Variants in TTLL1 observed in about 807,000 individuals in gnomAD.
TTLL1 encodes TTL family tubulin polyglutamylase complex subunit L1.
Under a neutral mutation model 47.8 loss-of-function variants are expected in TTLL1, and 33 were observed. The observed-to-expected ratio is 0.69, with a 90% CI of 0.52 to 0.92. The LOEUF (loss-of-function observed/expected upper bound fraction) is 0.92, where lower values mean the gene tolerates loss of function less well. Ranked by LOEUF, TTLL1 falls within the 40% of genes least tolerant of loss-of-function variation. The pLI is 0.00. For missense variants in TTLL1, 488 were observed against 547.5 expected (o/e 0.89, Z 1.08); for synonymous variants, 225 against 214.1 (o/e 1.05, Z -0.45).
At chr22:43,046,281 T>C in intron 10 of TTLL1, 129 bp downstream of exon 10, 2 of 978,258 alleles carry the variant, frequency 2.0e-6, no homozygotes, top group Non-Finnish European at 3.1e-6. Flanking sequence ...TATCCCATCA[T>C]GTCATTAGTA....
chr22:43,061,137 C>G lies in TTLL1; in HGVS notation c.748-1610G>C, dbSNP rs1927363329. Among the ~76,000 whole-genome samples, 4 of 152,272 alleles carry G rather than the reference C, an allele frequency of 2.6e-5. No homozygotes were observed. The South Asian group carries it at 6.2e-4, about 24-fold the overall frequency. Reference sequence around the variant, plus strand: ...CCCGGAAGGCAGAGGTTGCAGTGAGCCGAGATCCTGCCACTGTACTCCAGC... The same window carrying G: ...CCCGGAAGGCAGAGGTTGCAGTGAGGCGAGATCCTGCCACTGTACTCCAGC... On this transcript the variant is annotated intron_variant, in intron 7 of 10. Transcript: ENST00000266254.
chr22:43,046,037 G>A (rs919451972), intron 10 of TTLL1, among the ~76,000 whole-genome samples: 9 of 151,972 alleles, frequency 5.9e-5, no homozygotes, highest in African/African-American at 1.2e-4. Context: ...CCTGGCCAAC[G>A]TGGTGAAACC....
rs1353240306 is a variant in TTLL1, at chr22:43,069,774, C to A, written c.184G>T (p.Val62Phe). 6.2e-7 allele frequency: 1 copy of A among 1,614,180 alleles called. No individual in the cohort carries two copies. The change falls in exon 4 of 11, where the codon GTC becomes TTC. Residue 62 changes from valine (V) to phenylalanine (F), a missense_variant. Transcript: ENST00000266254. ...TCATAGTGGTTTGGAAAATGGTTGACTATTTGGTCATCTGAGAGCCGATAT... is the reference window on the plus strand; with the variant it reads ...TCATAGTGGTTTGGAAAATGGTTGAATATTTGGTCATCTGAGAGCCGATAT... Reference protein sequence around the residue: ...AGYRLSDDQIVNHFPNHYELT... With the variant: ...AGYRLSDDQIFNHFPNHYELT...
intron 8 of TTLL1, among the ~76,000 whole-genome samples, chr22:43,055,485 C>A (rs531147284): frequency 2.8e-4 from 42 of 152,114 alleles, no homozygotes; most frequent in Non-Finnish European, 5.0e-4. Context: ...GCATGCACCA[C>A]CATGCCTGGC....
chr22:43,068,297 A>G, intron 5 of TTLL1, 113 bp downstream of exon 5: 5 of 927,706 alleles, frequency 5.4e-6, no homozygotes, highest in Non-Finnish European at 7.5e-6. Flanking sequence ...TGCCTGGGCG[A>G]CAGAGTGAGA....
chr22:43,043,097 C>T (rs59252747), intron 10 of TTLL1, among the ~76,000 whole-genome samples: 2,196 of 152,052 alleles, frequency 0.014, 40 homozygotes, highest in South Asian at 0.048. Flanking sequence ...CCCACCACCA[C>T]GCCCGGCTAA....
At chr22:43,069,927 G>T in intron 3 of TTLL1, 83 bp from the exon 4 acceptor site, 1 of 1,542,892 alleles carries the variant, frequency 6.5e-7, no homozygotes. Context: ...CAAACACCCT[G>T]AACCCTCAGC....
intron 9 of TTLL1, among the ~76,000 whole-genome samples, chr22:43,048,040 G>A (rs116237145): frequency 0.027 from 4,069 of 152,132 alleles, 114 homozygotes; most frequent in African/African-American, 0.066. Context: ...ATTAGGGGCC[G>A]GGCGCGGTGG....
At chr22:43,065,336 C>G (rs1927658902) in intron 5 of TTLL1, among the ~76,000 whole-genome samples, 1 of 152,004 alleles carries the variant, frequency 6.6e-6, no homozygotes. Context: ...GTCACCCAGG[C>G]TGGAGTGCAC....
intron 3 of TTLL1, among the ~76,000 whole-genome samples, chr22:43,074,427 CA>C (rs61701643): frequency 0.24 from 20,733 of 85,756 alleles, 879 homozygotes; most frequent in East Asian, 0.36. Flanking sequence ...AATTTCGTCT[CA>C]AAAAAAAAAA....
At chr22:43,084,659 G>A (rs1161088157) in intron 1 of TTLL1, among the ~76,000 whole-genome samples, 3 of 151,920 alleles carry the variant, frequency 2.0e-5, no homozygotes, top group East Asian at 1.9e-4. Context: ...CCGCCACCAC[G>A]CCCGGATAAT....
At chr22:43,045,527 T>G (rs1926055234) in intron 10 of TTLL1, among the ~76,000 whole-genome samples, 1 of 141,210 alleles carries the variant, frequency 7.1e-6, no homozygotes, top group Non-Finnish European at 1.5e-5. Context: ...GCCAGCCTGG[T>G]CTCGAACTCC....
intron 2 of TTLL1, among the ~76,000 whole-genome samples, 157 bp from the exon 3 acceptor site, chr22:43,075,747 C>T (rs1928446304): frequency 6.6e-6 from 1 of 152,198 alleles, no homozygotes; most frequent in South Asian, 2.1e-4. Flanking sequence ...GGACACCTGG[C>T]AATGTCTAGA....
chr22:43,058,774 A>G (rs1016142528), intron 8 of TTLL1, among the ~76,000 whole-genome samples: 13 of 151,738 alleles, frequency 8.6e-5, no homozygotes, highest in African/African-American at 3.1e-4. Context: ...GGCTCACTGC[A>G]ACCTCTGCCT....
rs1925535784 is a variant in TTLL1, at chr22:43,039,971, G to C, written c.1143-66C>G. ...CAAAGGCAACAGGCAGGGCCACCAG[G>C]CTGCTGTGTGGCAAATATGACATCA... On this transcript the variant is annotated intron_variant, in intron 10 of 10. Coordinates refer to ENST00000266254, the MANE Select transcript of TTLL1 (RefSeq NM_012263.5). The C allele has an allele frequency of 1.9e-6, 3 of 1,557,332 alleles. No homozygotes were observed. In the African/African-American group the frequency reaches 4.1e-5, roughly 21 times the overall value.
intron 4 of TTLL1, 179 bp downstream of exon 4, chr22:43,069,457 A>T: frequency 1.9e-6 from 2 of 1,066,150 alleles, no homozygotes; most frequent in Non-Finnish European, 2.6e-6. Context: ...CTAGGATGCC[A>T]CACTCAGGCC....
intron 7 of TTLL1, among the ~76,000 whole-genome samples, chr22:43,061,746 C>T (rs1001859838): frequency 2.0e-5 from 3 of 152,158 alleles, no homozygotes; most frequent in Admixed American, 2.0e-4. Flanking sequence ...GCTCCTGCTA[C>T]CCTGGCGTCC....
Position 43,039,810 on chromosome 22 carries a change from TCTCTCGATCGGCCTG to T in TTLL1, c.1223_1237del (p.Ala408_Arg412del). On this transcript the variant is annotated inframe_deletion, in exon 11 of 11. Coordinates refer to ENST00000266254, the MANE Select transcript of TTLL1 (RefSeq NM_012263.5). ...GGTGGTGAGGACCGCTCTCCCCGAG[TCTCTCGATCGGCCTG>T]CTCTGGGCCCCAGAGACTGACCCTG... The T allele has an allele frequency of 6.2e-7, 1 of 1,613,702 alleles. No homozygotes were observed. Among genetic ancestry groups the T allele is most frequent in the Non-Finnish European group, 8.5e-7 (1 of 1,179,834 alleles).
rs1315324848 is a variant in TTLL1 at position 43,059,493 on chromosome 22, G to C, written c.782C>G (p.Thr261Arg). ...CAGGTAGAGCCGCAGGTTACTCACT[G>C]TCCACTTGCCCCCATGGATGTGGTT... ...DYNHIHGGKW[T>R]VSNLRLYLES... The change falls in exon 8 of 11, where the codon ACA becomes AGA. Residue 261 changes from threonine to arginine, a missense_variant. Thr to Arg is a moderately conservative substitution (Grantham distance 71). Transcript: ENST00000266254. 1 of 1,613,776 alleles carries C rather than the reference G, an allele frequency of 6.2e-7. No homozygotes were observed. Among genetic ancestry groups the C allele is most frequent in the Admixed American group, 1.7e-5 (1 of 59,928 alleles).
Sources: gnomAD v4.1 joint callset for allele counts (sites outside exome capture counted in the v4.1 genomes callset) on GRCh38, gnomAD v4.1.1 for gene constraint, MANE v1.5 for transcripts, NCBI Gene and HGNC (gene_info 2026-07-23, HGNC 2026-07-21) for gene names.